Variants in AFF3 observed in about 807,000 individuals in gnomAD.
AFF3 encodes the protein ALF transcription elongation factor 3.
A neutral mutation model predicts 129.7 loss-of-function variants in AFF3; 32 were observed. That is an observed-to-expected ratio of 0.25 (90% CI 0.19 to 0.33). AFF3 has a LOEUF of 0.33. Among genes scored for constraint, AFF3 ranks in the 10% least tolerant of loss-of-function variants. The pLI is 1.00. For synonymous variants in AFF3, 644 were observed against 635.4 expected, an observed-to-expected ratio of 1.01 and a Z score of -0.20; for missense variants, 1,373 against 1,592.0, an observed-to-expected ratio of 0.86 and a Z score of 2.34.
intron 1 of AFF3, among the ~76,000 whole-genome samples, chr2:100,139,873 A>G (rs949774724): frequency 4.6e-5 from 7 of 152,240 alleles, no homozygotes; most frequent in African/African-American, 1.7e-4. Flanking sequence ...CAGTCATTGC[A>G]ATTTAACTTG....
At chr2:100,080,587 A>T (rs897451972) in intron 4 of AFF3, among the ~76,000 whole-genome samples, 4 of 152,126 alleles carry the variant, frequency 2.6e-5, no homozygotes, top group Non-Finnish European at 4.4e-5. Flanking sequence ...ACAGTCTATT[A>T]GCAAAAAAAA....
At chr2:100,003,593 G>T (rs1681659388) in intron 7 of AFF3, among the ~76,000 whole-genome samples, 1 of 152,178 alleles carries the variant, frequency 6.6e-6, no homozygotes, top group African/African-American at 2.4e-5. Flanking sequence ...AAGAGTTAAA[G>T]AATTCTCTTG....
At chr2:100,141,523 T>C (rs1692873017) in intron 1 of AFF3, among the ~76,000 whole-genome samples, 1 of 152,222 alleles carries the variant, frequency 6.6e-6, no homozygotes, top group Non-Finnish European at 1.5e-5. Context: ...ATGGATTATT[T>C]AGTTTGTACG....
At chr2:100,019,461 T>C (rs1683407027) in intron 4 of AFF3, among the ~76,000 whole-genome samples, 3 of 152,164 alleles carry the variant, frequency 2.0e-5, no homozygotes, top group Admixed American at 2.0e-4. Flanking sequence ...CTAATCACCC[T>C]GACAGGCCAA....
intron 7 of AFF3, among the ~76,000 whole-genome samples, chr2:99,927,961 G>A (rs1696386681): frequency 2.0e-5 from 3 of 152,096 alleles, no homozygotes; most frequent in Admixed American, 2.0e-4. Flanking sequence ...TCTCATGATA[G>A]TGCATGGGTC....
intron 7 of AFF3, among the ~76,000 whole-genome samples, chr2:99,851,255 G>A (rs1690123055): frequency 1.3e-5 from 2 of 152,198 alleles, no homozygotes; most frequent in Admixed American, 1.3e-4. Flanking sequence ...TCCAAAGTGA[G>A]GTAGCAACTA....
intron 5 of AFF3, chr2:100,007,685 A>G: frequency 3.6e-6 from 2 of 562,502 alleles, no homozygotes; most frequent in South Asian, 2.2e-5. Flanking sequence ...AAAGGGATCT[A>G]TCCGGCCGGG....
At chr2:99,715,441 T>C (rs1678285347) in intron 11 of AFF3, among the ~76,000 whole-genome samples, 1 of 152,172 alleles carries the variant, frequency 6.6e-6, no homozygotes, top group Non-Finnish European at 1.5e-5. Context: ...AAACAGGCAC[T>C]TTCCATATAT....
intron 8 of AFF3, among the ~76,000 whole-genome samples, chr2:99,765,911 T>C (rs1348572862): frequency 4.6e-5 from 7 of 152,226 alleles, no homozygotes. Flanking sequence ...GAAGGAAGAA[T>C]GCTATCTCAG....
chr2:99,576,642 T>A (rs1053256789), intron 18 of AFF3, among the ~76,000 whole-genome samples: 6 of 152,162 alleles, frequency 3.9e-5, no homozygotes, highest in African/African-American at 1.2e-4. Context: ...ATATGACATA[T>A]GTGTTTGTAT....
intron 7 of AFF3, among the ~76,000 whole-genome samples, chr2:99,882,359 G>C: frequency 6.6e-6 from 1 of 152,306 alleles, no homozygotes; most frequent in Admixed American, 6.5e-5. Context: ...ATTTTTATGA[G>C]GTCAAATGTT....
chr2:100,006,985 C>T lies in AFF3; in HGVS notation c.520G>A (p.Asp174Asn). ...CGAGGCTGCTGTCTGCCAACACCAT[C>T]TCCAAGCAAGGTCCTGAGAGAGCCC... Reference protein sequence around the residue: ...QQGSLRTLLGDGVGRQQPRAK... With the variant: ...QQGSLRTLLGNGVGRQQPRAK... Residue 174 changes from aspartate (D) to asparagine (N), a missense_variant, in exon 7 of 25, where the codon GAT becomes AAT. Transcript: ENST00000672756. 2 of 1,612,492 alleles carry T rather than the reference C, an allele frequency of 1.2e-6. No homozygotes were observed. The highest frequency in any genetic ancestry group is 1.7e-6 in the Non-Finnish European group (2 of 1,178,870).
intron 8 of AFF3, among the ~76,000 whole-genome samples, chr2:99,762,983 A>G (rs1273043386): frequency 6.6e-6 from 1 of 152,238 alleles, no homozygotes; most frequent in Non-Finnish European, 1.5e-5. Flanking sequence ...AACAACAGAC[A>G]TGGTGATTTT....
intron 8 of AFF3, among the ~76,000 whole-genome samples, chr2:99,769,023 GGATATT>G (rs899324957): frequency 6.6e-6 from 1 of 151,992 alleles, no homozygotes; most frequent in African/African-American, 2.4e-5. Context: ...TCTTGTCCTT[GGATATT>G]GATACCTTTC....
At position 99,881,575 on chromosome 2, in the gene AFF3, T is replaced by C. The variant is rs575468143; in HGVS notation, c.874-44051A>G. 1.1e-3 allele frequency among the ~76,000 whole-genome samples: 170 copies of C among 152,108 alleles called. 1 individual carries two copies. Among genetic ancestry groups the C allele is most frequent in the Admixed American group, 2.2e-3 (33 of 15,270 alleles). On this transcript the variant is annotated intron_variant, in intron 7 of 24. Transcript: ENST00000672756. ...TCATTCATTCTCCAGTACTATGGGA[T>C]TGGTGATTTGAAAAGAAAAAAAAAA...
intron 4 of AFF3, among the ~76,000 whole-genome samples, chr2:100,050,039 C>T (rs148906482): frequency 0.013 from 1,991 of 152,144 alleles, 46 homozygotes; most frequent in African/African-American, 0.045. Context: ...TGGTGAAACC[C>T]TGTCTCTACT....
intron 9 of AFF3, among the ~76,000 whole-genome samples, chr2:99,751,132 C>CA (rs1681615344): frequency 6.6e-6 from 1 of 152,172 alleles, no homozygotes; most frequent in African/African-American, 2.4e-5. Flanking sequence ...CTCCATCTGT[C>CA]ACCCAGGCTG....
At chr2:100,064,982 G>A (rs1484704892) in intron 4 of AFF3, among the ~76,000 whole-genome samples, 1 of 152,190 alleles carries the variant, frequency 6.6e-6, no homozygotes, top group Non-Finnish European at 1.5e-5. Context: ...TGTGCACACA[G>A]CACTATGCAT....
chr2:99,885,088 C>A (rs973232619), intron 7 of AFF3, among the ~76,000 whole-genome samples: 1 of 152,174 alleles, frequency 6.6e-6, no homozygotes. Context: ...CCCTCATCAC[C>A]TAGAGGATAA....
Sources: allele counts gnomAD v4.1 joint callset (sites outside exome capture counted in the v4.1 genomes callset), GRCh38; gene constraint gnomAD v4.1.1; transcripts MANE v1.5; gene names NCBI Gene and HGNC (gene_info 2026-07-23, HGNC 2026-07-21).